CCDC14: variants seen among roughly 807,000 people sequenced by gnomAD.
CCDC14 encodes the protein coiled-coil domain-containing protein 14.
CCDC14 carries 71 observed loss-of-function variants against 81.4 expected under a neutral mutation model. The observed-to-expected ratio is 0.87, with a 90% confidence interval of 0.72 to 1.06. The LOEUF (loss-of-function observed/expected upper bound fraction) is 1.06, where lower values mean the gene tolerates loss of function less well. Among genes scored for constraint, CCDC14 ranks in the 50% least tolerant of loss-of-function variants. The probability of loss-of-function intolerance (pLI) is 0.00; values close to 1 mark genes in which losing one functional copy is unlikely to be tolerated. For missense variants in CCDC14, 1,046 were observed against 1,047.3 expected, an observed-to-expected ratio of 1.00 and a Z score of 0.02; for synonymous variants, 332 against 364.8, an observed-to-expected ratio of 0.91 and a Z score of 1.03.
In CCDC14 at chr3:123,913,787, G is replaced by A. The variant is rs1358466794; in HGVS notation, c.*992C>T. On this transcript the variant is annotated 3_prime_UTR_variant, in exon 13 of 13. Transcript: ENST00000409697. Reference sequence around the variant, plus strand: ...TACTAAGGACAATTAGAGTAGGCAGGTGACCTGTACAAAGTATTAGTGATA... The same window carrying A: ...TACTAAGGACAATTAGAGTAGGCAGATGACCTGTACAAAGTATTAGTGATA... 1.0e-6 allele frequency: 1 copy of A among 985,066 alleles called. No homozygotes were observed. Among genetic ancestry groups the A allele is most frequent in the Non-Finnish European group, 1.2e-6 (1 of 829,880 alleles). The allele number at this position is 985,066 out of a possible 1,614,324, so 61.0% of individuals were successfully genotyped here.
chr3:123,943,991 T>G (rs2036497327), intron 9 of CCDC14, among the ~76,000 whole-genome samples: 1 of 152,124 alleles, frequency 6.6e-6, no homozygotes, highest in Non-Finnish European at 1.5e-5. Context: ...TTATAGCCAA[T>G]CAGTCAGAAA....
intron 9 of CCDC14, among the ~76,000 whole-genome samples, chr3:123,941,710 C>T (rs1463277214): frequency 6.6e-6 from 1 of 151,986 alleles, no homozygotes; most frequent in African/African-American, 2.4e-5. Context: ...TAAAGACAGC[C>T]AGCCAAATAG....
chr3:123,931,241 C>CAA lies in CCDC14; in HGVS notation c.1646-9_1646-8dup. On this transcript the variant is annotated splice_polypyrimidine_tract_variant and splice_region_variant and intron_variant, in intron 11 of 12. Coordinates refer to ENST00000409697, the MANE Select transcript of CCDC14 (RefSeq NM_001366335.1). Reference sequence around the variant, plus strand: ...ACTAGGGCTTCCTCCAATTCTAAAACAACAAAAGTTTCAGTTTCCTTATTC... The same window carrying CAA: ...ACTAGGGCTTCCTCCAATTCTAAAACAAAACAAAAGTTTCAGTTTCCTTATTC... 3 of 1,596,362 alleles carry CAA rather than the reference C, an allele frequency of 1.9e-6. No individual in the cohort carries two copies. The South Asian group carries it at 3.5e-5, about 18-fold the overall frequency.
At chr3:123,950,973 T>C (rs2036983527) in intron 5 of CCDC14, among the ~76,000 whole-genome samples, 1 of 152,040 alleles carries the variant, frequency 6.6e-6, no homozygotes, top group Non-Finnish European at 1.5e-5. Context: ...AAAAAGACAA[T>C]ATTTGACTAC....
chr3:123,933,156 T>C (rs1242643245), intron 10 of CCDC14, among the ~76,000 whole-genome samples: 1 of 151,596 alleles, frequency 6.6e-6, no homozygotes, highest in Non-Finnish European at 1.5e-5. Context: ...CACAAAGACA[T>C]ATACAAAGAT....
chr3:123,941,733 T>C (rs1442736975), intron 9 of CCDC14, among the ~76,000 whole-genome samples: 1 of 152,022 alleles, frequency 6.6e-6, no homozygotes, highest in Non-Finnish European at 1.5e-5. Flanking sequence ...CTGGTGCCAG[T>C]TGAAGAATTA....
chr3:123,940,910 A>C (rs1480928913), intron 9 of CCDC14, among the ~76,000 whole-genome samples: 1 of 152,122 alleles, frequency 6.6e-6, no homozygotes, highest in Non-Finnish European at 1.5e-5. Context: ...ACAGTATGAA[A>C]TAAAACAAAT....
At chr3:123,959,521 T>A (rs920161417) in intron 1 of CCDC14, among the ~76,000 whole-genome samples, 1 of 152,204 alleles carries the variant, frequency 6.6e-6, no homozygotes, top group Non-Finnish European at 1.5e-5. Flanking sequence ...TTATATGTAT[T>A]TTGGATATTA....
intron 5 of CCDC14, among the ~76,000 whole-genome samples, chr3:123,901,316 A>G (rs2034174122): frequency 6.6e-6 from 1 of 152,200 alleles, no homozygotes; most frequent in South Asian, 2.1e-4. Flanking sequence ...ACACTTATAA[A>G]TTCAATTCAA....
Position 123,914,055 on chromosome 3 carries a change from T to C in CCDC14, c.*724A>G. 1 of 984,754 alleles carries C rather than the reference T, an allele frequency of 1.0e-6. No homozygotes were observed. 61.0% of individuals were successfully genotyped at this position (984,754 alleles called of 1,614,324 possible). A position where few individuals can be genotyped will look rare whatever the true frequency, so the allele number is the denominator to read the frequency against. On this transcript the variant is annotated 3_prime_UTR_variant, in exon 13 of 13. Coordinates refer to ENST00000409697, the MANE Select transcript of CCDC14 (RefSeq NM_001366335.1). ...AAATATAAGGACAAAAATAAACATTTCTTATTTAAAAAAAACCCACAAATT... is the reference window on the plus strand; with the variant it reads ...AAATATAAGGACAAAAATAAACATTCCTTATTTAAAAAAAACCCACAAATT...
intron 9 of CCDC14, among the ~76,000 whole-genome samples, chr3:123,940,330 T>G (rs1205261047): frequency 6.6e-6 from 1 of 151,958 alleles, no homozygotes; most frequent in African/African-American, 2.4e-5. Context: ...TCTCTTTTTC[T>G]TTTTCTTCTT....
chr3:123,918,427 G>C (rs182051327), intron 12 of CCDC14, among the ~76,000 whole-genome samples: 1 of 152,124 alleles, frequency 6.6e-6, no homozygotes, highest in South Asian at 2.1e-4. Flanking sequence ...AGAGTTTCCT[G>C]GCTCTGGTCC....
At chr3:123,901,860 C>T (rs966939838) in intron 5 of CCDC14, among the ~76,000 whole-genome samples, 1 of 152,020 alleles carries the variant, frequency 6.6e-6, no homozygotes, top group South Asian at 2.1e-4. Context: ...GCAAAGGATA[C>T]AAACAACTTA....
At chr3:123,891,712 A>C in the CCDC14 span, among the ~76,000 whole-genome samples, 1 of 152,084 alleles carries the variant, frequency 6.6e-6, no homozygotes, top group Non-Finnish European at 1.5e-5. Flanking sequence ...ACTTTCCCAC[A>C]TTTTCCTGTC....
chr3:123,889,978 C>T, the CCDC14 span, among the ~76,000 whole-genome samples: 1 of 152,182 alleles, frequency 6.6e-6, no homozygotes, highest in Non-Finnish European at 1.5e-5. Context: ...AATGGACTTA[C>T]AATTTCATAT....
rs760330126 is a variant in CCDC14 at position 123,915,422 on chromosome 3, C to A, written c.2075G>T (p.Gly692Val). 8 of 1,613,884 alleles carry A rather than the reference C, an allele frequency of 5.0e-6. No homozygotes were observed. The highest frequency in any genetic ancestry group is 1.6e-4 in the Middle Eastern group (1 of 6,084). Residue 692 changes from glycine (G) to valine (V), a missense_variant, in exon 13 of 13, where the codon GGC becomes GTC. By Grantham distance (109) the Gly-to-Val change is moderately radical. Coordinates refer to ENST00000409697, the MANE Select transcript of CCDC14 (RefSeq NM_001366335.1). ...SRGPQNSNTRGMEEASAPGII... is the reference protein window; with the variant it reads ...SRGPQNSNTRVMEEASAPGII... ...TCCAGGTGCAGATGCTTCCTCCATG[C>A]CCCTAGTGTTACTATTTTGAGGGCC...
At chr3:123,910,863 A>G (rs540912889), downstream of CCDC14, among the ~76,000 whole-genome samples, 72 of 152,340 alleles carry the variant, frequency 4.7e-4, no homozygotes, top group African/African-American at 1.7e-3. Flanking sequence ...ACTATATGAT[A>G]GTCACCAAGG....
chr3:123,943,550 G>A (rs1028422116), intron 9 of CCDC14, among the ~76,000 whole-genome samples: 6 of 152,106 alleles, frequency 3.9e-5, no homozygotes, highest in Admixed American at 6.6e-5. Flanking sequence ...CCCCATTTCT[G>A]AAGGAGACCT....
intron 9 of CCDC14, among the ~76,000 whole-genome samples, chr3:123,936,554 G>A (rs2036067385): frequency 6.6e-6 from 1 of 152,090 alleles, no homozygotes; most frequent in African/African-American, 2.4e-5. Flanking sequence ...GAAGGGAACT[G>A]GAGGCTATCA....
Sources: allele counts gnomAD v4.1 joint callset (sites outside exome capture counted in the v4.1 genomes callset), GRCh38; gene constraint gnomAD v4.1.1; transcripts MANE v1.5; gene names NCBI Gene and HGNC (gene_info 2026-07-23, HGNC 2026-07-21).